The following TSC22D2 variants were observed in gnomAD, a reference collection of about 807,000 sequenced individuals.
TSC22D2 encodes the protein TSC22 domain family member 2.
In TSC22D2, 5 loss-of-function variants were observed where a neutral mutation model predicts 50.1. The observed-to-expected ratio is 0.10, with a 90% CI of 0.05 to 0.21. TSC22D2 has a LOEUF of 0.21. Ranked by LOEUF, TSC22D2 falls within the 10% of genes least tolerant of loss-of-function variation. The probability of loss-of-function intolerance (pLI) is 1.00; values close to 1 mark genes in which losing one functional copy is unlikely to be tolerated. For synonymous variants in TSC22D2, 501 were observed against 450.1 expected (o/e 1.11, Z -1.43); for missense variants, 1,003 against 1,015.5 (o/e 0.99, Z 0.17).
chr3:150,464,903 T>C lies in TSC22D2; in HGVS notation c.*6267T>C, dbSNP rs1328136111. The C allele has an allele frequency of 6.6e-6, 1 of 152,228 alleles. No homozygotes were observed. The highest frequency in any genetic ancestry group is 1.9e-4 in the East Asian group (1 of 5,196). The allele number at this position is 152,228 out of a possible 1,614,324, so 9.4% of individuals were successfully genotyped here. The stretch of plus-strand genomic sequence containing the variant: ...TAACTAGAATAGGATTCATGTGTCA[T>C]GAATTATATTGTCTATTGTCTCATA... On this transcript the variant is annotated 3_prime_UTR_variant, in exon 3 of 3. Transcript: ENST00000688009.
chr3:150,456,868 A>G, intron 1 of TSC22D2: 1 of 539,718 alleles, frequency 1.9e-6, no homozygotes, highest in Non-Finnish European at 3.3e-6. Context: ...TGTTGGCACT[A>G]CAAAGGACCT....
chr3:150,432,068 C>T (rs983267884), intron 1 of TSC22D2, among the ~76,000 whole-genome samples: 2 of 152,246 alleles, frequency 1.3e-5, no homozygotes, highest in South Asian at 2.1e-4. Context: ...TCTCATTATT[C>T]GAAGTGGTGT....
chr3:150,433,307 C>T (rs950255635), intron 1 of TSC22D2, among the ~76,000 whole-genome samples: 2 of 152,154 alleles, frequency 1.3e-5, no homozygotes, highest in African/African-American at 4.8e-5. Context: ...TGTATGCAGA[C>T]AGCATGGCTG....
intron 1 of TSC22D2, among the ~76,000 whole-genome samples, chr3:150,445,770 A>G (rs1381718730): frequency 2.6e-5 from 4 of 152,120 alleles, no homozygotes; most frequent in African/African-American, 2.4e-5. Context: ...TCAGTATGTT[A>G]ACTTGCTAGG....
intron 1 of TSC22D2, among the ~76,000 whole-genome samples, chr3:150,451,643 C>G (rs940991676): frequency 2.7e-4 from 41 of 152,134 alleles, no homozygotes; most frequent in African/African-American, 8.7e-4. Flanking sequence ...GGTTTGAATC[C>G]TGTTCCTAGT....
intron 1 of TSC22D2, among the ~76,000 whole-genome samples, chr3:150,439,185 C>T (rs1720640920): frequency 6.6e-6 from 1 of 152,074 alleles, no homozygotes; most frequent in African/African-American, 2.4e-5. Flanking sequence ...GCATATCCTG[C>T]ATGTCAGTCA....
Position 150,410,626 on chromosome 3 carries a change from C to T in TSC22D2, c.1276C>T (p.Leu426Phe). The part of the protein sequence containing the change: ...GQNASSVGAQ[L>F]MGASSQPSEA... ...GAATGCTTCCTCGGTGGGCGCGCAGCTCATGGGCGCGTCTTCCCAGCCCAG... is the reference window on the plus strand; with the variant it reads ...GAATGCTTCCTCGGTGGGCGCGCAGTTCATGGGCGCGTCTTCCCAGCCCAG... Residue 426 changes from leucine to phenylalanine, a missense_variant, in exon 1 of 3, where the codon CTC becomes TTC. Around this residue, in one of 6 missense-constraint regions of TSC22D2, gnomAD observed 696 missense variants for 647.8 expected, o/e 1.07. Coordinates refer to ENST00000688009, the MANE Select transcript of TSC22D2 (RefSeq NM_001303264.2). 1 of 1,554,646 alleles carries T rather than the reference C, an allele frequency of 6.4e-7. No individual in the cohort carries two copies. Among genetic ancestry groups the T allele is most frequent in the Non-Finnish European group, 8.7e-7 (1 of 1,152,194 alleles).
At position 150,459,572 on chromosome 3, in the gene TSC22D2, G is replaced by GTTTTTTTTTTTTTTTTTT. The variant is rs11330414; in HGVS notation, c.*949_*950insTTTTTTTTTTTTTTTTTT. On this transcript the variant is annotated 3_prime_UTR_variant, in exon 3 of 3. Transcript: ENST00000688009. ...TAATGGAGTTTGGTTTTTTTTTGTT[G>GTTTTTTTTTTTTTTTTTT]TTTTTTTTTTTTTGTCTTTTTTTTT... 6.1e-5 allele frequency: 7 copies of GTTTTTTTTTTTTTTTTTT among 115,538 alleles called. No individual in the cohort carries two copies. Among genetic ancestry groups the GTTTTTTTTTTTTTTTTTT allele is most frequent in the South Asian group, 2.7e-4 (1 of 3,690 alleles). 7.2% of individuals were successfully genotyped at this position (115,538 alleles called of 1,614,324 possible).
Position 150,466,191 on chromosome 3 carries a change from TCACACACACACACACA to T in TSC22D2, c.*7576_*7591del, listed in dbSNP as rs3220532. On this transcript the variant is annotated 3_prime_UTR_variant, in exon 3 of 3. Coordinates refer to ENST00000688009, the MANE Select transcript of TSC22D2 (RefSeq NM_001303264.2). ...ATGATACTAGTGATGTTAAATCACA[TCACACACACACACACA>T]CACACACACACACACACACAAATAC... The T allele has an allele frequency of 4.8e-5, 7 of 146,050 alleles. No homozygotes were observed. Among genetic ancestry groups the T allele is most frequent in the East Asian group, 2.0e-4 (1 of 5,000 alleles). 9.0% of individuals were successfully genotyped at this position (146,050 alleles called of 1,614,324 possible). A position where few individuals can be genotyped will look rare whatever the true frequency, so the allele number is the denominator to read the frequency against.
At position 150,409,678 on chromosome 3, in the gene TSC22D2, G is replaced by T; in HGVS notation, c.328G>T (p.Ala110Ser). The change falls in exon 1 of 3, where the codon GCC becomes TCC. Residue 110 changes from alanine to serine, a missense_variant. Transcript: ENST00000688009. This position sits in a 1 kb window ranked among gnomAD's most constrained non-coding sequence, Gnocchi z 7.4. ...CGCCAACGGAGGAGGAGTCGTTTCGGCCCGGAGCGTGTCTGGGGCGCTCGC... is the reference window on the plus strand; with the variant it reads ...CGCCAACGGAGGAGGAGTCGTTTCGTCCCGGAGCGTGTCTGGGGCGCTCGC... ...APANGGGVVS[A>S]RSVSGALAST... 1.3e-6 allele frequency: 2 copies of T among 1,593,214 alleles called. No homozygotes were observed. Among genetic ancestry groups the T allele is most frequent in the Non-Finnish European group, 1.7e-6 (2 of 1,170,456 alleles).
At chr3:150,441,740 T>G (rs1272299195) in intron 1 of TSC22D2, among the ~76,000 whole-genome samples, 2 of 152,002 alleles carry the variant, frequency 1.3e-5, no homozygotes, top group Non-Finnish European at 2.9e-5. Context: ...GGCAACAGAG[T>G]GAGACTCAGT....
chr3:150,427,959 CAA>C (rs1422399002), intron 1 of TSC22D2, among the ~76,000 whole-genome samples: 3 of 152,092 alleles, frequency 2.0e-5, no homozygotes, highest in Non-Finnish European at 4.4e-5. Flanking sequence ...GTACAATTAT[CAA>C]AGTTAGGAAG....
intron 1 of TSC22D2, among the ~76,000 whole-genome samples, chr3:150,429,566 A>T (rs533109785): frequency 7.2e-5 from 11 of 152,312 alleles, no homozygotes; most frequent in African/African-American, 2.6e-4. Context: ...CTCAAAATAT[A>T]ATTCAAATTC....
intron 1 of TSC22D2, among the ~76,000 whole-genome samples, chr3:150,455,881 TAAC>T (rs10603563): frequency 0.15 from 23,042 of 151,956 alleles, 1,911 homozygotes; most frequent in Non-Finnish European, 0.2. Context: ...AAAAACCTAA[TAAC>T]TGTTTTTAGA....
At position 150,454,363 on chromosome 3, in the gene TSC22D2, A is replaced by G. The variant is rs549597067; in HGVS notation, c.1959-2713A>G. On this transcript the variant is annotated intron_variant, in intron 1 of 2. Transcript: ENST00000688009. The stretch of plus-strand genomic sequence containing the variant: ...CAATAGGCAGATGGAGTATAAGAGG[A>G]AAACAGACTGTATAAGGCAGAGGTC... 3.9e-5 allele frequency among the ~76,000 whole-genome samples: 6 copies of G among 152,360 alleles called. No homozygotes were observed. The East Asian group carries it at 7.7e-4, about 20-fold the overall frequency.
intron 1 of TSC22D2, among the ~76,000 whole-genome samples, chr3:150,445,952 G>C (rs1720873225): frequency 6.6e-6 from 1 of 151,948 alleles, no homozygotes; most frequent in Admixed American, 6.6e-5. Flanking sequence ...AAAGTAGCTG[G>C]GCATGGTGGT....
At chr3:150,457,230 A>G in intron 2 of TSC22D2, 103 bp downstream of exon 2, 1 of 1,061,288 alleles carries the variant, frequency 9.4e-7, no homozygotes, top group Non-Finnish European at 1.4e-6. Flanking sequence ...TAAACCAAAG[A>G]TGACCAAATC....
Position 150,466,056 on chromosome 3 carries a change from T to C in TSC22D2, c.*7420T>C, listed in dbSNP as rs1336645760. ...GGACTATGGTACACATGATGAAGTA[T>C]TAAGTATCAATGAAAAAGAGAGAGT... On this transcript the variant is annotated 3_prime_UTR_variant, in exon 3 of 3. Coordinates refer to ENST00000688009, the MANE Select transcript of TSC22D2 (RefSeq NM_001303264.2). The C allele has an allele frequency of 2.6e-5, 4 of 152,104 alleles. No homozygotes were observed. Among genetic ancestry groups the C allele is most frequent in the Non-Finnish European group, 4.4e-5 (3 of 68,006 alleles). The allele number at this position is 152,104 out of a possible 1,614,324, so 9.4% of individuals were successfully genotyped here.
intron 1 of TSC22D2, among the ~76,000 whole-genome samples, chr3:150,449,900 G>T (rs1447628484): frequency 6.6e-6 from 1 of 151,976 alleles, no homozygotes; most frequent in African/African-American, 2.4e-5. Context: ...TTAATGTTCA[G>T]TGTGAATTCT....
Sources: gnomAD v4.1 joint callset for allele counts (sites outside exome capture counted in the v4.1 genomes callset) on GRCh38, gnomAD v4.1.1 for gene constraint, gnomAD v4.1.1 regional missense constraint, Gnocchi (gnomAD v3.1) non-coding constraint, MANE v1.5 for transcripts, NCBI Gene and HGNC (gene_info 2026-07-23, HGNC 2026-07-21) for gene names.